The following UEVLD variants were observed in gnomAD, a reference collection of about 807,000 sequenced individuals.
UEVLD encodes the protein UEV and lactate/malate dehyrogenase domains, also known as ubiquitin-conjugating enzyme E2 variant 3.
Under a neutral mutation model 58.6 loss-of-function variants are expected in UEVLD, and 47 were observed. The observed-to-expected ratio is 0.80, with a 90% CI of 0.63 to 1.02. UEVLD has a LOEUF of 1.02. Ranked by LOEUF, UEVLD falls within the 50% of genes least tolerant of loss-of-function variation. UEVLD has a pLI of 0.00. For missense variants in UEVLD, 510 were observed against 550.6 expected (o/e 0.93, Z 0.74); for synonymous variants, 197 against 195.3 (o/e 1.01, Z -0.07).
intron 1 of UEVLD, among the ~76,000 whole-genome samples, chr11:18,586,277 C>T (rs533173743): frequency 3.9e-5 from 6 of 152,198 alleles, no homozygotes; most frequent in South Asian, 4.1e-4. Context: ...TGCAGTGGCA[C>T]GATCTTGGGC....
At chr11:18,553,800 C>T (rs1851635587) in intron 7 of UEVLD, among the ~76,000 whole-genome samples, 1 of 152,132 alleles carries the variant, frequency 6.6e-6, no homozygotes, top group Admixed American at 6.6e-5. Flanking sequence ...AGAGGAAAAT[C>T]CACAGAACAG....
At chr11:18,565,565 A>G (rs1852253765) in intron 5 of UEVLD, among the ~76,000 whole-genome samples, 2 of 152,238 alleles carry the variant, frequency 1.3e-5, no homozygotes, top group African/African-American at 4.8e-5. Flanking sequence ...CCGGTGGCTC[A>G]TGCCTGTAAT....
chr11:18,583,774 GCCTC>G (rs1853394793), intron 1 of UEVLD, among the ~76,000 whole-genome samples: 2 of 148,766 alleles, frequency 1.3e-5, no homozygotes, highest in South Asian at 4.2e-4. Flanking sequence ...CGATTGTCCT[GCCTC>G]AGCCTCTCGA....
rs570345369 is a variant in UEVLD, at chr11:18,547,679, C to T, written c.716-629G>A. 9.2e-5 allele frequency among the ~76,000 whole-genome samples: 14 copies of T among 152,096 alleles called. No homozygotes were observed. The East Asian group carries it at 2.3e-3, about 25-fold the overall frequency. ...AATATTATGCTATAGGCAAAATGAA[C>T]CTACCATCAATTACACCATTGGTTC... On this transcript the variant is annotated intron_variant, in intron 7 of 11. Transcript: ENST00000396197.
At chr11:18,548,425 T>C (rs1851385897) in intron 7 of UEVLD, among the ~76,000 whole-genome samples, 1 of 152,132 alleles carries the variant, frequency 6.6e-6, no homozygotes, top group Non-Finnish European at 1.5e-5. Context: ...TCTAAGGCCA[T>C]CTTTCTTTTT....
intron 2 of UEVLD, among the ~76,000 whole-genome samples, 180 bp downstream of exon 2, chr11:18,578,544 A>G (rs1268941850): frequency 6.6e-6 from 1 of 152,220 alleles, no homozygotes; most frequent in Non-Finnish European, 1.5e-5. Flanking sequence ...GCAGCAATAG[A>G]AAACTAATAC....
intron 5 of UEVLD, 148 bp downstream of exon 5, chr11:18,566,199 T>C (rs769243349): frequency 5.6e-4 from 658 of 1,170,524 alleles, no homozygotes; most frequent in Non-Finnish European, 7.6e-4. Flanking sequence ...GCGCCTGGCC[T>C]GAGGCACAGG....
Position 18,536,424 on chromosome 11 carries a change from T to C in UEVLD, c.1106A>G (p.Gln369Arg), listed in dbSNP as rs1254691330. Residue 369 changes from glutamine (Q) to arginine (R), a missense_variant, in exon 10 of 12, where the codon CAA (glutamine) becomes CGA (arginine). Gln to Arg is a conservative substitution (Grantham distance 43). Coordinates refer to ENST00000396197, the MANE Select transcript of UEVLD (RefSeq NM_001040697.4). ...GTGTTACCTGTTGGACAGCTGCACT[T>C]GAGAGGTATGACTCACTACTTCTTC... is the stretch of plus-strand genomic sequence containing the variant. ...GQEEVVSHTSQVQLSNRAMEL... is the reference protein window; with the variant it reads ...GQEEVVSHTSRVQLSNRAMEL... The C allele has an allele frequency of 6.2e-7, 1 of 1,613,892 alleles. No homozygotes were observed. The highest frequency in any genetic ancestry group is 1.3e-5 in the African/African-American group (1 of 75,056).
chr11:18,562,419 G>A (rs1444993329), intron 6 of UEVLD, among the ~76,000 whole-genome samples: 1 of 151,994 alleles, frequency 6.6e-6, no homozygotes. Flanking sequence ...GCACACGCCT[G>A]TAATCCCAGC....
At chr11:18,545,801 A>G (rs958540712) in intron 8 of UEVLD, among the ~76,000 whole-genome samples, 1 of 152,220 alleles carries the variant, frequency 6.6e-6, no homozygotes, top group Non-Finnish European at 1.5e-5. Flanking sequence ...TTCCTAGAAC[A>G]GTTAAGTGAG....
At position 18,578,726 on chromosome 11, in the gene UEVLD, T is replaced by C; in HGVS notation, c.125A>G (p.Tyr42Cys). The change falls in exon 2 of 12, where the codon TAT becomes TGT. Residue 42 changes from tyrosine to cysteine, a missense_variant and splice_region_variant. By Grantham distance (194) the Tyr-to-Cys change is radical (BLOSUM62 -2). Coordinates refer to ENST00000396197, the MANE Select transcript of UEVLD (RefSeq NM_001040697.4). ...AAACTAGAGGATATGATTCTTACCA[T>C]AGGTGTCCATGGAATATTTGAAATG... is the stretch of plus-strand genomic sequence containing the variant. ...FPHFKYSMDT[Y>C]VFKDSSQKDL... The C allele has an allele frequency of 6.3e-7, 1 of 1,597,594 alleles. No homozygotes were observed.
intron 2 of UEVLD, 55 bp downstream of exon 2, chr11:18,578,669 C>A: frequency 7.2e-7 from 1 of 1,384,058 alleles, no homozygotes; most frequent in South Asian, 1.2e-5. Flanking sequence ...TCTTTAGGAC[C>A]AAAAATTAGT....
Position 18,532,199 on chromosome 11 carries a change from T to C in UEVLD, c.*121A>G. ...AAGCTAATCAAGAAACCCTCTACTT[T>C]AACCAAGCAGTTTGTAAAAGTAAGT... On this transcript the variant is annotated 3_prime_UTR_variant, in exon 12 of 12. Coordinates refer to ENST00000396197, the MANE Select transcript of UEVLD (RefSeq NM_001040697.4). 10 of 956,944 alleles carry C rather than the reference T, an allele frequency of 1.0e-5. No individual in the cohort carries two copies. Among genetic ancestry groups the C allele is most frequent in the Non-Finnish European group, 1.5e-5 (10 of 677,432 alleles). 59.3% of individuals were successfully genotyped at this position (956,944 alleles called of 1,614,324 possible). A position where few individuals can be genotyped will look rare whatever the true frequency, so the allele number is the denominator to read the frequency against.
chr11:18,541,709 T>A (rs1268554223), intron 9 of UEVLD, among the ~76,000 whole-genome samples: 1 of 152,162 alleles, frequency 6.6e-6, no homozygotes, highest in Non-Finnish European at 1.5e-5. Flanking sequence ...AGTGATGTGA[T>A]CAGGAAAAAA....
chr11:18,542,213 G>A (rs868000768), intron 9 of UEVLD, among the ~76,000 whole-genome samples: 2 of 152,062 alleles, frequency 1.3e-5, no homozygotes, highest in Non-Finnish European at 2.9e-5. Flanking sequence ...CATTTACCGG[G>A]TAGACTAGAG....
chr11:18,572,804 CAAAA>C (rs11394988), intron 3 of UEVLD, among the ~76,000 whole-genome samples: 2 of 103,112 alleles, frequency 1.9e-5, no homozygotes, highest in Non-Finnish European at 1.8e-5. Context: ...AACTCCATCT[CAAAA>C]AAAAAAAAAA....
At chr11:18,569,964 A>G (rs759971459) in intron 4 of UEVLD, 5 of 270,368 alleles carry the variant, frequency 1.8e-5, no homozygotes, top group Non-Finnish European at 3.5e-5. Flanking sequence ...GTGGGAAACG[A>G]CTATAAAAAG....
At chr11:18,543,889 A>G (rs1851170734) in intron 9 of UEVLD, among the ~76,000 whole-genome samples, 2 of 152,326 alleles carry the variant, frequency 1.3e-5, no homozygotes, top group South Asian at 4.1e-4. Context: ...GGGATAAACA[A>G]TGAGTGAAAA....
At chr11:18,585,662 G>C (rs754627769) in intron 1 of UEVLD, among the ~76,000 whole-genome samples, 1 of 150,620 alleles carries the variant, frequency 6.6e-6, no homozygotes, top group African/African-American at 2.4e-5. Context: ...TTTTGAGACA[G>C]AGTATTGCTC....
Sources: allele counts gnomAD v4.1 joint callset (sites outside exome capture counted in the v4.1 genomes callset), GRCh38; gene constraint gnomAD v4.1.1; transcripts MANE v1.5; gene names NCBI Gene and HGNC (gene_info 2026-07-23, HGNC 2026-07-21).